The following KCNJ6 variants were observed in gnomAD, a reference collection of about 807,000 sequenced individuals.
KCNJ6 encodes G protein-activated inward rectifier potassium channel 2.
Under a neutral mutation model 34.2 loss-of-function variants are expected in KCNJ6, and 9 were observed. The ratio of observed to expected loss-of-function variants is 0.26; its 90% CI spans 0.16 to 0.46. The LOEUF (loss-of-function observed/expected upper bound fraction) is 0.46, where lower values mean the gene tolerates loss of function less well. Among genes scored for constraint, KCNJ6 ranks in the 20% least tolerant of loss-of-function variants. The probability of loss-of-function intolerance (pLI) is 1.00; values close to 1 mark genes in which losing one functional copy is unlikely to be tolerated. For missense variants in KCNJ6, 236 were observed against 531.3 expected, an observed-to-expected ratio of 0.44 and a Z score of 5.46; for synonymous variants, 196 against 207.1, an observed-to-expected ratio of 0.95 and a Z score of 0.46.
At chr21:37,668,347 C>T (rs993461328) in intron 3 of KCNJ6, among the ~76,000 whole-genome samples, 8 of 152,124 alleles carry the variant, frequency 5.3e-5, no homozygotes, top group East Asian at 3.9e-4. Flanking sequence ...CCACAGATGG[C>T]GCCTTAAATA....
intron 3 of KCNJ6, among the ~76,000 whole-genome samples, chr21:37,674,569 A>G (rs2054556238): frequency 1.3e-5 from 2 of 150,548 alleles, no homozygotes; most frequent in African/African-American, 4.9e-5. Flanking sequence ...CTTTCACCAC[A>G]GGGCCTTTGC....
At chr21:37,814,926 T>G (rs552382071) in intron 2 of KCNJ6, among the ~76,000 whole-genome samples, 5 of 147,216 alleles carry the variant, frequency 3.4e-5, no homozygotes, top group Non-Finnish European at 7.5e-5. Flanking sequence ...AGAACGAGAA[T>G]TTTTCCATGG....
chr21:37,611,021 A>T lies in KCNJ6; in HGVS notation c.*14138T>A, dbSNP rs557640146. On this transcript the variant is annotated 3_prime_UTR_variant, in exon 4 of 4. Coordinates refer to ENST00000609713, the MANE Select transcript of KCNJ6 (RefSeq NM_002240.5). ...AAATTCACGAAATTGAAAATAGGAAATCAATAAAATAAATAGAAACAAAGT... is the reference window on the plus strand; with the variant it reads ...AAATTCACGAAATTGAAAATAGGAATTCAATAAAATAAATAGAAACAAAGT... 2 of 152,290 alleles carry T rather than the reference A, an allele frequency of 1.3e-5. No individual in the cohort carries two copies. Among genetic ancestry groups the T allele is most frequent in the East Asian group, 3.9e-4 (2 of 5,182 alleles). 9.4% of individuals were successfully genotyped at this position (152,290 alleles called of 1,614,324 possible).
intron 2 of KCNJ6, among the ~76,000 whole-genome samples, chr21:37,786,334 G>T (rs553026217): frequency 6.6e-6 from 1 of 152,288 alleles, no homozygotes; most frequent in Admixed American, 6.5e-5. Flanking sequence ...AGTGACAGAG[G>T]TTGGCACTTG....
chr21:37,656,136 A>G (rs1288883304), intron 3 of KCNJ6, among the ~76,000 whole-genome samples: 2 of 152,160 alleles, frequency 1.3e-5, no homozygotes, highest in East Asian at 1.9e-4. Flanking sequence ...TGCCCTCTCC[A>G]AATGATACAC....
intron 2 of KCNJ6, among the ~76,000 whole-genome samples, chr21:37,832,207 A>T (rs2055429417): frequency 6.7e-6 from 1 of 149,296 alleles, no homozygotes; most frequent in Admixed American, 6.6e-5. Flanking sequence ...TGCTATAACT[A>T]CCTGTGTGAG....
At position 37,887,916 on chromosome 21, in the gene KCNJ6, C is replaced by T. The variant is rs35072028; in HGVS notation, c.-28+27968G>A. 4.9e-3 allele frequency among the ~76,000 whole-genome samples: 753 copies of T among 152,356 alleles called. 30 individuals carry two copies. In the South Asian group the frequency reaches 0.075, roughly 15 times the overall value. ...AAAGGAAGACAAGATCAGAGGAAGC[C>T]TTCACCTGCTTGTTGGGCAGGTGGC... On this transcript the variant is annotated intron_variant, in intron 1 of 3. Transcript: ENST00000609713.
intron 1 of KCNJ6, among the ~76,000 whole-genome samples, chr21:37,907,241 G>A (rs1472301631): frequency 6.6e-6 from 1 of 152,194 alleles, no homozygotes; most frequent in Non-Finnish European, 1.5e-5. Flanking sequence ...TCTTAGTCAT[G>A]TGATGCTGCT....
At chr21:37,793,025 G>A (rs1295172654) in intron 2 of KCNJ6, among the ~76,000 whole-genome samples, 1 of 152,102 alleles carries the variant, frequency 6.6e-6, no homozygotes, top group Non-Finnish European at 1.5e-5. Flanking sequence ...TCTGATCCTA[G>A]GGCTTGTCAA....
rs61218477 is a variant in KCNJ6, at chr21:37,778,696, C to CGTGTGTGTGTGT, written c.25+61950_25+61961dup. ...ATTGTGTGTATCCGTGTGCTGTGTG[C>CGTGTGTGTGTGT]GTGTGTGTGTGTGTGTGTGTGTGTG... On this transcript the variant is annotated intron_variant, in intron 2 of 3. Transcript: ENST00000609713. 7.4e-4 allele frequency among the ~76,000 whole-genome samples: 108 copies of CGTGTGTGTGTGT among 146,266 alleles called. No individual in the cohort carries two copies. In the Middle Eastern group the frequency reaches 0.014, roughly 19 times the overall value.
At chr21:37,835,806 C>T (rs1343697363) in intron 2 of KCNJ6, among the ~76,000 whole-genome samples, 1 of 64,364 alleles carries the variant, frequency 1.6e-5, no homozygotes, top group East Asian at 3.8e-4. Context: ...CTGAGAGTCA[C>T]CCTAACCCTA....
chr21:37,819,631 C>T (rs1192861309), intron 2 of KCNJ6, among the ~76,000 whole-genome samples: 4 of 152,160 alleles, frequency 2.6e-5, no homozygotes, highest in South Asian at 4.1e-4. Context: ...AGATTAGCCT[C>T]CTTCTTTACC....
At chr21:37,754,635 C>T (rs1025183698) in intron 2 of KCNJ6, among the ~76,000 whole-genome samples, 4 of 152,144 alleles carry the variant, frequency 2.6e-5, no homozygotes, top group East Asian at 1.9e-4. Context: ...AGAAGGGTCA[C>T]GTGAGATTCC....
intron 2 of KCNJ6, among the ~76,000 whole-genome samples, chr21:37,833,517 A>G (rs2055437072): frequency 6.6e-6 from 1 of 152,164 alleles, no homozygotes; most frequent in East Asian, 1.9e-4. Flanking sequence ...ATGCAGTGTC[A>G]ATATACCATG....
chr21:37,712,211 T>G (rs2054756683), intron 3 of KCNJ6, among the ~76,000 whole-genome samples: 1 of 152,098 alleles, frequency 6.6e-6, no homozygotes, highest in Non-Finnish European at 1.5e-5. Context: ...TCTCCAGTGG[T>G]TTTTGCTTCT....
intron 2 of KCNJ6, among the ~76,000 whole-genome samples, chr21:37,809,296 G>A (rs901510217): frequency 1.3e-5 from 2 of 151,462 alleles, no homozygotes; most frequent in Non-Finnish European, 2.9e-5. Context: ...AACACCGCAT[G>A]TTCTCACTCA....
At position 37,774,045 on chromosome 21, in the gene KCNJ6, C is replaced by T. The variant is rs560314617; in HGVS notation, c.26-58914G>A. Among the ~76,000 whole-genome samples, 3 of 152,318 alleles carry T rather than the reference C, an allele frequency of 2.0e-5. No individual in the cohort carries two copies. The South Asian group carries it at 6.2e-4, about 32-fold the overall frequency. On this transcript the variant is annotated intron_variant, in intron 2 of 3. Coordinates refer to ENST00000609713, the MANE Select transcript of KCNJ6 (RefSeq NM_002240.5). ...CTCTACATCACACTGAATCTTACCT[C>T]CCTGGCCTGACCCTGAAGATGGATT...
chr21:37,868,111 G>C lies in KCNJ6; in HGVS notation c.-27-27402C>G, dbSNP rs865829114. ...TCTCTGGCTGCTCCGGGCATCCTATGTATCTGGCCATGTTGCCTCCAGCAC... is the reference window on the plus strand; with the variant it reads ...TCTCTGGCTGCTCCGGGCATCCTATCTATCTGGCCATGTTGCCTCCAGCAC... On this transcript the variant is annotated intron_variant, in intron 1 of 3. Coordinates refer to ENST00000609713, the MANE Select transcript of KCNJ6 (RefSeq NM_002240.5). 7.2e-5 allele frequency among the ~76,000 whole-genome samples: 11 copies of C among 152,334 alleles called. No homozygotes were observed. The South Asian group carries it at 2.3e-3, about 32-fold the overall frequency.
chr21:37,732,020 T>A (rs942912359), intron 2 of KCNJ6, among the ~76,000 whole-genome samples: 4 of 152,062 alleles, frequency 2.6e-5, no homozygotes, highest in African/African-American at 9.7e-5. Context: ...CAAGACACAC[T>A]CATCTTAGAT....
Sources: allele counts gnomAD v4.1 joint callset (sites outside exome capture counted in the v4.1 genomes callset), GRCh38; gene constraint gnomAD v4.1.1; transcripts MANE v1.5; gene names NCBI Gene and HGNC (gene_info 2026-07-23, HGNC 2026-07-21).